The following CRB1 variants were observed in gnomAD, a reference collection of about 807,000 sequenced individuals.
CRB1 encodes protein crumbs homolog 1.
In CRB1, 83 loss-of-function variants were observed where a neutral mutation model predicts 120.0. The ratio of observed to expected loss-of-function variants is 0.69; its 90% CI spans 0.58 to 0.83. The LOEUF is 0.83. Ranked by LOEUF, CRB1 falls within the 40% of genes least tolerant of loss-of-function variation. CRB1 has a pLI of 0.00. For synonymous variants in CRB1, 625 were observed against 612.5 expected (o/e 1.02, Z -0.30); for missense variants, 1,699 against 1,687.6 (o/e 1.01, Z -0.12).
intron 10 of CRB1, 48 bp from the exon 11 acceptor site, chr1:197,442,118 A>C: frequency 2.5e-6 from 4 of 1,613,678 alleles, no homozygotes; most frequent in Middle Eastern, 1.7e-4. Context: ...TTCACAACCA[A>C]TGTATTCAAC....
chr1:197,273,317 A>G (rs1003255093), intron 1 of CRB1, among the ~76,000 whole-genome samples: 6 of 152,206 alleles, frequency 3.9e-5, no homozygotes, highest in African/African-American at 9.6e-5. Context: ...TCATTACATC[A>G]TATCTATAAT....
At chr1:197,463,182 A>C (rs1405279642) in intron 11 of CRB1, among the ~76,000 whole-genome samples, 1 of 152,160 alleles carries the variant, frequency 6.6e-6, no homozygotes, top group Non-Finnish European at 1.5e-5. Flanking sequence ...AAAATTGTGC[A>C]TTATGGAGTT....
chr1:197,289,260 T>A (rs1363947390), intron 1 of CRB1, among the ~76,000 whole-genome samples: 3 of 151,904 alleles, frequency 2.0e-5, no homozygotes, highest in African/African-American at 7.2e-5. Context: ...GGAAATGTTT[T>A]CCTGAAATAT....
the CRB1 span, among the ~76,000 whole-genome samples, chr1:197,223,763 A>G: frequency 2.6e-5 from 4 of 152,180 alleles, no homozygotes; most frequent in Non-Finnish European, 5.9e-5. Flanking sequence ...GGATGTGCTT[A>G]TACAGTCACT....
the CRB1 span, among the ~76,000 whole-genome samples, chr1:197,228,886 A>C: frequency 3.9e-5 from 6 of 152,230 alleles, no homozygotes; most frequent in African/African-American, 1.2e-4. Context: ...TGGTGGCAGC[A>C]AGAGAAAATG....
chr1:197,421,122 T>C lies in CRB1; in HGVS notation c.1294T>C (p.Phe432Leu), dbSNP rs1664285663. Residue 432 changes from phenylalanine (F) to leucine (L), a missense_variant, in exon 6 of 12, where the codon TTT (phenylalanine) becomes CTT (leucine). By Grantham distance (22) the Phe-to-Leu change is conservative (BLOSUM62 0). Coordinates refer to ENST00000367400, the MANE Select transcript of CRB1 (RefSeq NM_201253.3). ...HCPFDNLSRT[F>L]YGGRDCSDIL... ...CCCATTTGATAACCTTTCTAGAACT[T>C]TTTATGGAGGAAGGGACTGTTCTGA... 6.2e-7 allele frequency: 1 copy of C among 1,614,166 alleles called. No homozygotes were observed. Among genetic ancestry groups the C allele is most frequent in the Non-Finnish European group, 8.5e-7 (1 of 1,180,008 alleles).
At chr1:197,268,157 C>A, upstream of CRB1, 1 of 453,834 alleles carries the variant, frequency 2.2e-6, no homozygotes, top group Non-Finnish European at 4.1e-6. Flanking sequence ...GGAATGAATC[C>A]AATCCAGCCT....
At chr1:197,260,466 A>T in the CRB1 span, among the ~76,000 whole-genome samples, 2 of 151,950 alleles carry the variant, frequency 1.3e-5, no homozygotes, top group Non-Finnish European at 2.9e-5. Context: ...TTTAAAATAA[A>T]ATTTGGAATA....
At position 197,429,455 on chromosome 1, in the gene CRB1, C is replaced by A. The variant is rs781635398; in HGVS notation, c.2683C>A (p.Pro895Thr). ...TGATTTCTTTTCTGCTCAGTCCAAC[C>A]CCTGTCACAATGGAGGTGTTTGCCA... Reference protein sequence around the residue: ...CAGDNSCKSNPCHNGGVCHSR... With the variant: ...CAGDNSCKSNTCHNGGVCHSR... Residue 895 changes from proline (P) to threonine (T), a missense_variant, in exon 8 of 12, where the codon CCC becomes ACC. Physicochemically the swap from Pro to Thr is conservative, Grantham distance 38 (BLOSUM62 -1). Transcript: ENST00000367400. 6 of 1,613,774 alleles carry A rather than the reference C, an allele frequency of 3.7e-6. No individual in the cohort carries two copies. Among genetic ancestry groups the A allele is most frequent in the Non-Finnish European group, 5.1e-6 (6 of 1,179,918 alleles).
At chr1:197,364,045 C>A (rs1351215579) in intron 5 of CRB1, 2 of 1,369,460 alleles carry the variant, frequency 1.5e-6, no homozygotes, top group Non-Finnish European at 2.1e-6. Context: ...CTTCTTGATG[C>A]GAAAGAATCA....
intron 1 of CRB1, among the ~76,000 whole-genome samples, chr1:197,302,406 G>T (rs575737507): frequency 3.9e-5 from 6 of 152,224 alleles, no homozygotes; most frequent in African/African-American, 1.4e-4. Flanking sequence ...AATATTGTGT[G>T]TCTCATTTCA....
At chr1:197,300,553 T>A (rs1001049662) in intron 1 of CRB1, among the ~76,000 whole-genome samples, 7 of 152,140 alleles carry the variant, frequency 4.6e-5, no homozygotes, top group Admixed American at 1.3e-4. Flanking sequence ...AGTTGGAAGC[T>A]AGCAGAGGTT....
At chr1:197,432,234 A>G (rs1225779875) in intron 8 of CRB1, among the ~76,000 whole-genome samples, 5 of 152,100 alleles carry the variant, frequency 3.3e-5, no homozygotes, top group Non-Finnish European at 2.9e-5. Flanking sequence ...ATTATAGACC[A>G]TAGTCTTCAT....
At chr1:197,334,845 G>A (rs564990001) in intron 2 of CRB1, among the ~76,000 whole-genome samples, 118 of 152,252 alleles carry the variant, frequency 7.8e-4, no homozygotes, top group African/African-American at 2.5e-3. Context: ...AAATGAAAGC[G>A]TAAAGAGAAG....
intron 5 of CRB1, among the ~76,000 whole-genome samples, chr1:197,400,601 C>G (rs1166337890): frequency 6.6e-6 from 1 of 151,970 alleles, no homozygotes; most frequent in Non-Finnish European, 1.5e-5. Flanking sequence ...CCTGCTTCTT[C>G]CTTCCAGAGT....
At chr1:197,474,861 G>A (rs982234612) in intron 11 of CRB1, among the ~76,000 whole-genome samples, 1 of 152,110 alleles carries the variant, frequency 6.6e-6, no homozygotes, top group African/African-American at 2.4e-5. Context: ...AAAGATCATT[G>A]GATAGTACTA....
At chr1:197,365,500 A>AG (rs1409901460) in intron 5 of CRB1, among the ~76,000 whole-genome samples, 1 of 151,636 alleles carries the variant, frequency 6.6e-6, no homozygotes, top group African/African-American at 2.4e-5. Context: ...GCCTCTGGGG[A>AG]GGGGGGGAGA....
chr1:197,358,154 G>A (rs1660585794), intron 5 of CRB1: 2 of 152,150 alleles, frequency 1.3e-5, no homozygotes, highest in South Asian at 4.1e-4. Context: ...AAATATATTT[G>A]TGTATTTACC....
chr1:197,398,238 G>A (rs751880302), intron 5 of CRB1, among the ~76,000 whole-genome samples: 12 of 152,008 alleles, frequency 7.9e-5, no homozygotes, highest in Non-Finnish European at 1.5e-4. Flanking sequence ...CATTCTTAGC[G>A]TGATGAAAAG....
Sources: gnomAD v4.1 joint callset for allele counts (sites outside exome capture counted in the v4.1 genomes callset) on GRCh38, gnomAD v4.1.1 for gene constraint, MANE v1.5 for transcripts, NCBI Gene and HGNC (gene_info 2026-07-23, HGNC 2026-07-21) for gene names.